SMYD3: variants seen among roughly 807,000 people sequenced by gnomAD.
SMYD3 encodes histone-lysine N-methyltransferase SMYD3.
SMYD3 carries 36 observed loss-of-function variants against 57.7 expected under a neutral mutation model. The observed-to-expected ratio is 0.62, with a 90% CI of 0.48 to 0.82. SMYD3 has a LOEUF of 0.82. SMYD3 is among the 40% of genes least tolerant of loss of function. SMYD3 has a pLI of 0.00. For missense variants in SMYD3, 515 were observed against 538.8 expected (o/e 0.96, Z 0.44); for synonymous variants, 211 against 195.0 (o/e 1.08, Z -0.68).
chr1:246,071,885 C>G (rs10802327), intron 5 of SMYD3, among the ~76,000 whole-genome samples: 879 of 31,920 alleles, frequency 0.028, 3 homozygotes, highest in African/African-American at 0.054. Context: ...TGCTCACTGT[C>G]GCTGCATCGT....
intron 7 of SMYD3, among the ~76,000 whole-genome samples, chr1:245,922,814 A>G (rs2056074763): frequency 6.6e-6 from 1 of 152,190 alleles, no homozygotes; most frequent in South Asian, 2.1e-4. Flanking sequence ...CACTGAACAA[A>G]TCATTTCCCA....
chr1:246,282,317 A>C (rs1176223306), intron 5 of SMYD3, among the ~76,000 whole-genome samples: 50 of 46,422 alleles, frequency 1.1e-3, no homozygotes, highest in African/African-American at 1.4e-3. Context: ...AAAAAAAAAA[A>C]AAAAAAAAAA....
intron 5 of SMYD3, among the ~76,000 whole-genome samples, chr1:246,298,135 CACAG>C (rs748401733): frequency 1.3e-5 from 2 of 151,874 alleles, no homozygotes; most frequent in Non-Finnish European, 2.9e-5. Context: ...CCTGCAGGTT[CACAG>C]ACAGTGCCAC....
At chr1:245,757,277 G>A (rs1184350057) in intron 11 of SMYD3, among the ~76,000 whole-genome samples, 1 of 152,002 alleles carries the variant, frequency 6.6e-6, no homozygotes, top group African/African-American at 2.4e-5. Context: ...TTTGCATAAT[G>A]CCTTCAAGGT....
chr1:246,231,774 A>G lies in SMYD3; in HGVS notation c.531+95427T>C, dbSNP rs12058843. 7.2e-3 allele frequency among the ~76,000 whole-genome samples: 1,092 copies of G among 152,294 alleles called. 13 individuals are homozygous for G. The highest frequency in any genetic ancestry group is 0.024 in the African/African-American group (1,003 of 41,552). On this transcript the variant is annotated intron_variant, in intron 5 of 11. Transcript: ENST00000490107. Reference sequence around the variant, plus strand: ...TTGGGTACAAATCTGCACACATTACATGCAAGATCCAATATAAGTCAACTT... The same window carrying G: ...TTGGGTACAAATCTGCACACATTACGTGCAAGATCCAATATAAGTCAACTT...
chr1:246,294,003 T>A (rs1050709698), intron 5 of SMYD3, among the ~76,000 whole-genome samples: 1 of 152,214 alleles, frequency 6.6e-6, no homozygotes, highest in Non-Finnish European at 1.5e-5. Flanking sequence ...TTGGTTTCTA[T>A]GATATCTTTC....
intron 10 of SMYD3, among the ~76,000 whole-genome samples, chr1:245,772,625 T>C (rs2046383085): frequency 6.6e-6 from 1 of 152,232 alleles, no homozygotes; most frequent in Non-Finnish European, 1.5e-5. Context: ...ATGGTGCTAC[T>C]GTACTTCAGC....
rs368217479 is a variant in SMYD3 at position 245,749,672 on chromosome 1, G to A, written c.1186-8C>T. 1 of 1,610,506 alleles carries A rather than the reference G, an allele frequency of 6.2e-7. No homozygotes were observed. The highest frequency in any genetic ancestry group is 1.1e-5 in the South Asian group (1 of 90,986). On this transcript the variant is annotated splice_region_variant and splice_polypyrimidine_tract_variant and intron_variant, in intron 11 of 11. Transcript: ENST00000490107. ...TCTCATAATATCAAAAGCCTAAAGAGAAAGGACGGAAGAGAGATTAGACCC... is the reference window on the plus strand; with the variant it reads ...TCTCATAATATCAAAAGCCTAAAGAAAAAGGACGGAAGAGAGATTAGACCC...
chr1:246,409,245 T>C (rs549554429), intron 1 of SMYD3, among the ~76,000 whole-genome samples: 24 of 152,368 alleles, frequency 1.6e-4, no homozygotes, highest in Admixed American at 6.5e-4. Context: ...ACATGAAGTC[T>C]TGCCCATGCC....
At chr1:245,789,016 C>T (rs1277167514) in intron 10 of SMYD3, 1 of 152,108 alleles carries the variant, frequency 6.6e-6, no homozygotes, top group Non-Finnish European at 1.5e-5. Flanking sequence ...GAAAGCATTC[C>T]GAAAGTTTCT....
intron 5 of SMYD3, among the ~76,000 whole-genome samples, chr1:246,231,418 C>T (rs986937573): frequency 3.9e-5 from 6 of 152,032 alleles, no homozygotes; most frequent in African/African-American, 9.7e-5. Flanking sequence ...GAGTATAATA[C>T]ATAAAAGCAT....
intron 5 of SMYD3, among the ~76,000 whole-genome samples, chr1:245,983,998 CTTTT>C (rs534310953): frequency 7.4e-6 from 1 of 134,464 alleles, no homozygotes; most frequent in Admixed American, 7.5e-5. Context: ...CAAGTCTACT[CTTTT>C]TTTTTTTTTT....
At chr1:245,972,069 C>T (rs2058316473) in intron 5 of SMYD3, among the ~76,000 whole-genome samples, 1 of 152,184 alleles carries the variant, frequency 6.6e-6, no homozygotes, top group African/African-American at 2.4e-5. Context: ...GGGAAGGGGG[C>T]ACTGATCTGA....
intron 10 of SMYD3, among the ~76,000 whole-genome samples, chr1:245,781,994 A>AT (rs983954002): frequency 2.6e-5 from 4 of 151,812 alleles, no homozygotes; most frequent in African/African-American, 7.3e-5. Context: ...ACTAATCAAA[A>AT]TTTTTTTTAA....
chr1:246,036,507 CTATTT>C (rs1474089237), intron 5 of SMYD3, among the ~76,000 whole-genome samples: 1 of 150,848 alleles, frequency 6.6e-6, no homozygotes, highest in Admixed American at 6.6e-5. Flanking sequence ...ACTACACATC[CTATTT>C]TATTTTCTCT....
intron 5 of SMYD3, among the ~76,000 whole-genome samples, chr1:246,066,239 C>T (rs960045069): frequency 6.6e-6 from 1 of 152,138 alleles, no homozygotes; most frequent in Admixed American, 6.5e-5. Context: ...ATCTCAAGTA[C>T]GAACACAGTC....
At chr1:246,450,735 CAAAG>C (rs1244933508) in intron 1 of SMYD3, among the ~76,000 whole-genome samples, 1 of 152,170 alleles carries the variant, frequency 6.6e-6, no homozygotes, top group East Asian at 1.9e-4. Context: ...GATTATTAAA[CAAAG>C]GAAGCAAACT....
intron 5 of SMYD3, among the ~76,000 whole-genome samples, chr1:245,995,320 T>C (rs1323300173): frequency 6.6e-6 from 1 of 152,198 alleles, no homozygotes; most frequent in Non-Finnish European, 1.5e-5. Context: ...GTCCAAACCC[T>C]GAATTCCGCA....
chr1:246,042,171 A>C (rs776483042), intron 5 of SMYD3, among the ~76,000 whole-genome samples: 4 of 152,184 alleles, frequency 2.6e-5, no homozygotes, highest in Non-Finnish European at 4.4e-5. Context: ...AAGAAAAGCT[A>C]ATATTTCCCT....
Sources: allele counts gnomAD v4.1 joint callset (sites outside exome capture counted in the v4.1 genomes callset), GRCh38; gene constraint gnomAD v4.1.1; transcripts MANE v1.5; gene names NCBI Gene and HGNC (gene_info 2026-07-23, HGNC 2026-07-21).